The following SLA variants were observed in gnomAD, a reference collection of about 807,000 sequenced individuals.
SLA encodes src-like-adapter.
Under a neutral mutation model 30.3 loss-of-function variants are expected in SLA, and 16 were observed. The ratio of observed to expected loss-of-function variants is 0.53; its 90% CI spans 0.36 to 0.80. SLA has a LOEUF of 0.80. Ranked by LOEUF, SLA falls within the 30% of genes least tolerant of loss-of-function variation. The pLI, the probability that SLA is intolerant of heterozygous loss-of-function variation, is 0.01. For missense variants in SLA, 310 were observed against 345.2 expected, an observed-to-expected ratio of 0.90 and a Z score of 0.81; for synonymous variants, 143 against 137.8, an observed-to-expected ratio of 1.04 and a Z score of -0.26.
At chr8:133,088,776 CTGGG>C (rs1468525417) in intron 1 of SLA, among the ~76,000 whole-genome samples, 1 of 152,104 alleles carries the variant, frequency 6.6e-6, no homozygotes, top group Non-Finnish European at 1.5e-5. Context: ...TGCCCTAAGA[CTGGG>C]ATTTCAAGAC....
chr8:133,038,675 T>A lies in SLA; in HGVS notation c.680A>T (p.Tyr227Phe). 6.2e-7 allele frequency: 1 copy of A among 1,613,984 alleles called. No individual in the cohort carries two copies. The change falls in exon 9 of 9, where the codon TAT (tyrosine) becomes TTT (phenylalanine). Residue 227 changes from tyrosine to phenylalanine, a missense_variant. By Grantham distance (22) the Tyr-to-Phe change is conservative (BLOSUM62 3). Coordinates refer to ENST00000338087, the MANE Select transcript of SLA (RefSeq NM_001045556.3). Reference protein sequence around the residue: ...PLGVDESLFSYGLRESIASYL... With the variant: ...PLGVDESLFSFGLRESIASYL... ...AGAGGCAATGCTCTCTCGAAGGCCA[T>A]AGCTGAAAAGGGACTCGTCTACCCC...
chr8:133,073,741 A>G (rs1844435591), intron 2 of SLA, among the ~76,000 whole-genome samples: 1 of 152,080 alleles, frequency 6.6e-6, no homozygotes, highest in Admixed American at 6.5e-5. Flanking sequence ...CTTTAAACAC[A>G]GGCCTCAGCT....
intron 7 of SLA, among the ~76,000 whole-genome samples, chr8:133,044,263 A>G (rs963270579): frequency 2.6e-5 from 4 of 152,074 alleles, no homozygotes; most frequent in Non-Finnish European, 5.9e-5. Context: ...CTTTCACAGT[A>G]TAACTCAACT....
intron 2 of SLA, among the ~76,000 whole-genome samples, chr8:133,065,037 A>C (rs1225215572): frequency 6.6e-6 from 1 of 152,192 alleles, no homozygotes; most frequent in East Asian, 1.9e-4. Context: ...TTGTTCTTAG[A>C]AATTTCTGCT....
chr8:133,082,397 GA>G (rs1012138691), intron 1 of SLA, among the ~76,000 whole-genome samples: 4 of 152,012 alleles, frequency 2.6e-5, no homozygotes, highest in African/African-American at 2.4e-5. Flanking sequence ...AGCAAGTTAA[GA>G]AAAAAATCTT....
At chr8:133,045,687 G>A (rs911601896) in intron 6 of SLA, among the ~76,000 whole-genome samples, 1 of 152,086 alleles carries the variant, frequency 6.6e-6, no homozygotes, top group African/African-American at 2.4e-5. Context: ...GAGCTACCAT[G>A]CCGGGCCTCA....
chr8:133,050,941 G>A lies in SLA; in HGVS notation c.62-26C>T, dbSNP rs117044097. On this transcript the variant is annotated intron_variant, in intron 3 of 8. Coordinates refer to ENST00000338087, the MANE Select transcript of SLA (RefSeq NM_001045556.3). ...CTGGGGAAACAAAGGCAAGGGGGAA[G>A]GGGGCAAGGTGCTTTTTATTCACAA... 1,373 of 1,395,338 alleles carry A rather than the reference G, an allele frequency of 9.8e-4. 15 individuals carry two copies. The East Asian group carries it at 0.018, about 18-fold the overall frequency. 86.4% of individuals were successfully genotyped at this position (1,395,338 alleles called of 1,614,324 possible).
intron 2 of SLA, among the ~76,000 whole-genome samples, chr8:133,065,477 T>C (rs2046997167): frequency 6.6e-6 from 1 of 152,188 alleles, no homozygotes; most frequent in Non-Finnish European, 1.5e-5. Context: ...TTAAAAGTTA[T>C]CAGGCCGGGC....
chr8:133,079,580 T>A (rs1845434192), intron 1 of SLA, among the ~76,000 whole-genome samples: 1 of 152,180 alleles, frequency 6.6e-6, no homozygotes, highest in African/African-American at 2.4e-5. Context: ...CCTAAGGCAA[T>A]TCAGCATCAT....
At chr8:133,098,987 C>A (rs1437854961) in intron 1 of SLA, among the ~76,000 whole-genome samples, 2 of 152,206 alleles carry the variant, frequency 1.3e-5, no homozygotes, top group Non-Finnish European at 2.9e-5. Flanking sequence ...GGACTGGGAT[C>A]TCTACTCAAG....
At chr8:133,061,881 G>C (rs1417065211) in intron 2 of SLA, among the ~76,000 whole-genome samples, 1 of 152,174 alleles carries the variant, frequency 6.6e-6, no homozygotes, top group African/African-American at 2.4e-5. Flanking sequence ...TAAGGGAAGG[G>C]GTGGTGTGAG....
At chr8:133,098,138 C>G (rs759533460) in intron 1 of SLA, among the ~76,000 whole-genome samples, 1 of 152,190 alleles carries the variant, frequency 6.6e-6, no homozygotes, top group Admixed American at 6.5e-5. Flanking sequence ...TTGGACAAGA[C>G]AACCATTCAG....
At chr8:133,084,577 G>T (rs775138628) in intron 1 of SLA, among the ~76,000 whole-genome samples, 1 of 152,216 alleles carries the variant, frequency 6.6e-6, no homozygotes, top group Non-Finnish European at 1.5e-5. Flanking sequence ...GCCAGAAGGT[G>T]ACAGAGGCAA....
intron 7 of SLA, among the ~76,000 whole-genome samples, chr8:133,041,784 G>GTTTT (rs529937626): frequency 4.8e-5 from 6 of 124,388 alleles, no homozygotes; most frequent in Admixed American, 1.6e-4. Context: ...CTTGTGGTCA[G>GTTTT]TTTTTTTTTT....
intron 3 of SLA, among the ~76,000 whole-genome samples, chr8:133,059,626 C>G (rs1039488896): frequency 5.9e-5 from 9 of 152,004 alleles, no homozygotes; most frequent in Non-Finnish European, 1.3e-4. Context: ...GAAGATGTCA[C>G]AGGATGGTGC....
chr8:133,038,787 T>G (rs771000463), intron 8 of SLA, 50 bp from the exon 9 acceptor site: 1 of 1,318,056 alleles, frequency 7.6e-7, no homozygotes, highest in Non-Finnish European at 1.1e-6. Context: ...AAGAGAGTCA[T>G]AGAGAGAGGA....
intron 1 of SLA, among the ~76,000 whole-genome samples, chr8:133,083,343 A>G (rs1206493815): frequency 6.6e-6 from 1 of 152,208 alleles, no homozygotes; most frequent in Non-Finnish European, 1.5e-5. Context: ...ATTTATTGTA[A>G]ACTTGAAACA....
rs376711807 is a variant in SLA, at chr8:133,070,029, A to AAAAAAAAAAAAAAAAAAAAAAAAAAC, written c.-41+4823_-41+4824insGTTTTTTTTTTTTTTTTTTTTTTTTT. 1.8e-5 allele frequency among the ~76,000 whole-genome samples: 2 copies of AAAAAAAAAAAAAAAAAAAAAAAAAAC among 109,812 alleles called. 1 individual carries two copies. Among genetic ancestry groups the AAAAAAAAAAAAAAAAAAAAAAAAAAC allele is most frequent in the African/African-American group, 7.8e-5 (2 of 25,790 alleles). 72.0% of individuals were successfully genotyped at this position (109,812 alleles called of 152,430 possible). ...AAAAAAAAAAAAAAAAAAAAAAAGA[A>AAAAAAAAAAAAAAAAAAAAAAAAAAC]AGAAAGAAAGAAAAGAAAAGAAGAA... On this transcript the variant is annotated intron_variant, in intron 2 of 8. Transcript: ENST00000338087.
At chr8:133,059,544 AG>A (rs1842057015) in intron 3 of SLA, among the ~76,000 whole-genome samples, 1 of 152,120 alleles carries the variant, frequency 6.6e-6, no homozygotes, top group Non-Finnish European at 1.5e-5. Flanking sequence ...CTGCAATATT[AG>A]GCTCTTCCCC....
Sources: gnomAD v4.1 joint callset for allele counts (sites outside exome capture counted in the v4.1 genomes callset) on GRCh38, gnomAD v4.1.1 for gene constraint, MANE v1.5 for transcripts, NCBI Gene and HGNC (gene_info 2026-07-23, HGNC 2026-07-21) for gene names.